Variants in CELF4 observed in about 807,000 individuals in gnomAD.
CELF4 encodes CUGBP Elav-like family member 4, also known as CUG-BP- and ETR-3-like factor 4.
A neutral mutation model predicts 59.9 loss-of-function variants in CELF4; 18 were observed. That is an observed-to-expected ratio of 0.30 (90% CI 0.21 to 0.45). The LOEUF (loss-of-function observed/expected upper bound fraction) is 0.45. Among genes scored for constraint, CELF4 ranks in the 20% least tolerant of loss-of-function variants. CELF4 has a pLI of 1.00. For missense variants in CELF4, 456 were observed against 689.0 expected (o/e 0.66, Z 3.79); for synonymous variants, 261 against 267.1 (o/e 0.98, Z 0.22).
rs898937745 is a variant in CELF4 at position 37,245,755 on chromosome 18, T to A, written c.*45-558A>T. On this transcript the variant is annotated intron_variant, in intron 12 of 12. Transcript: ENST00000420428. This position sits in a 1 kb window ranked among gnomAD's most constrained non-coding sequence, Gnocchi z 4.1. ...AACTATTTGCGAGGCTGTGTATATA[T>A]ATGTATATCTGGATATATGTGTAGA... Among the ~76,000 whole-genome samples, 2 of 152,192 alleles carry A rather than the reference T, an allele frequency of 1.3e-5. No individual in the cohort carries two copies. Among genetic ancestry groups the A allele is most frequent in the African/African-American group, 4.8e-5 (2 of 41,446 alleles).
chr18:37,438,005 C>T (rs1478708428), intron 2 of CELF4, among the ~76,000 whole-genome samples: 6 of 152,132 alleles, frequency 3.9e-5, no homozygotes, highest in African/African-American at 1.2e-4. Context: ...AGCTCAGTCT[C>T]CCTCCAACAT....
At chr18:37,516,144 A>G (rs1603643178) in intron 1 of CELF4, among the ~76,000 whole-genome samples, 1 of 152,162 alleles carries the variant, frequency 6.6e-6, no homozygotes, top group East Asian at 1.9e-4. Flanking sequence ...GGCAAAAAAT[A>G]TTATTTACTG....
chr18:37,352,369 GTTGTGGCTGATGCCTGTAATCTCGACACT>G (rs2098459656), intron 2 of CELF4, among the ~76,000 whole-genome samples: 1 of 152,196 alleles, frequency 6.6e-6, no homozygotes. Context: ...ATTGCTGCAT[GTTGTGGCTGATGCCTGTAATCTCGACACT>G]TTGGGAGGGT....
intron 1 of CELF4, among the ~76,000 whole-genome samples, chr18:37,517,590 C>G (rs754738878): frequency 6.6e-6 from 1 of 152,162 alleles, no homozygotes; most frequent in African/African-American, 2.4e-5. Context: ...AACAGTTGGT[C>G]GCCCCGTGTC....
chr18:37,290,032 A>G (rs749650044), intron 3 of CELF4, among the ~76,000 whole-genome samples: 47 of 152,288 alleles, frequency 3.1e-4, no homozygotes, highest in Non-Finnish European at 3.5e-4. Flanking sequence ...ATGGAAGAGA[A>G]GTGGAGGAGG....
intron 1 of CELF4, among the ~76,000 whole-genome samples, chr18:37,502,168 A>T (rs966917000): frequency 6.6e-6 from 1 of 151,990 alleles, no homozygotes; most frequent in Non-Finnish European, 1.5e-5. Context: ...AGCCCTCTGG[A>T]CTCGAGCTAA....
chr18:37,452,766 C>T (rs2099767610), intron 2 of CELF4, among the ~76,000 whole-genome samples: 1 of 152,102 alleles, frequency 6.6e-6, no homozygotes, highest in African/African-American at 2.4e-5. Context: ...CTTAATTCAT[C>T]ACTCTGACTT....
intron 2 of CELF4, among the ~76,000 whole-genome samples, chr18:37,385,886 T>C (rs1248330075): frequency 6.6e-6 from 1 of 152,222 alleles, no homozygotes; most frequent in African/African-American, 2.4e-5. Flanking sequence ...TTTACCTTCA[T>C]ATAAGTCTGT....
In CELF4 at chr18:37,561,325, C is replaced by T. The variant is rs531584216; in HGVS notation, c.286+4031G>A. 1.6e-4 allele frequency among the ~76,000 whole-genome samples: 25 copies of T among 152,334 alleles called. No individual in the cohort carries two copies. The South Asian group carries it at 5.0e-3, about 30-fold the overall frequency. Reference sequence around the variant, plus strand: ...GGACTTGGCCGTTTAGATTAAAATGCATCGTAGGCTCTGGGAACAAGCACA... The same window carrying T: ...GGACTTGGCCGTTTAGATTAAAATGTATCGTAGGCTCTGGGAACAAGCACA... On this transcript the variant is annotated intron_variant, in intron 1 of 12. Transcript: ENST00000420428.
intron 3 of CELF4, among the ~76,000 whole-genome samples, chr18:37,299,698 A>G (rs557126534): frequency 6.6e-6 from 1 of 152,310 alleles, no homozygotes; most frequent in African/African-American, 2.4e-5. Context: ...CAAAGCCTCA[A>G]AGTTACTCTC....
chr18:37,397,890 G>C (rs1014763548), intron 2 of CELF4, among the ~76,000 whole-genome samples: 11 of 152,184 alleles, frequency 7.2e-5, no homozygotes, highest in Admixed American at 5.9e-4. Flanking sequence ...CGGGGGCAAG[G>C]GGGTGCGGAT....
intron 2 of CELF4, among the ~76,000 whole-genome samples, chr18:37,423,340 T>G (rs1034635044): frequency 6.6e-6 from 1 of 152,186 alleles, no homozygotes; most frequent in African/African-American, 2.4e-5. Flanking sequence ...TCAGGTCTTA[T>G]GTGGTGCTGA....
At chr18:37,490,247 A>T (rs57645925) in intron 1 of CELF4, among the ~76,000 whole-genome samples, 2,804 of 152,228 alleles carry the variant, frequency 0.018, 71 homozygotes, top group African/African-American at 0.064. Context: ...TGGAAGTCAC[A>T]CCAAACTGAA....
intron 12 of CELF4, among the ~76,000 whole-genome samples, chr18:37,250,141 G>A (rs1348117524): frequency 2.6e-5 from 4 of 152,164 alleles, no homozygotes; most frequent in East Asian, 1.9e-4. Flanking sequence ...TGTTCTGCCC[G>A]CTGGCTATGG....
At chr18:37,446,719 C>G (rs2099749224) in intron 2 of CELF4, among the ~76,000 whole-genome samples, 1 of 152,132 alleles carries the variant, frequency 6.6e-6, no homozygotes, top group African/African-American at 2.4e-5. Flanking sequence ...CTCCCTTCTC[C>G]TGAGCTCCCT....
chr18:37,290,836 CCTGT>C (rs1191031542), intron 3 of CELF4, among the ~76,000 whole-genome samples: 5 of 152,212 alleles, frequency 3.3e-5, no homozygotes, highest in Non-Finnish European at 7.3e-5. Context: ...TTCTCCTCCT[CCTGT>C]CTGTCTTTCT....
chr18:37,328,471 G>C (rs2097408822), intron 2 of CELF4, among the ~76,000 whole-genome samples: 1 of 152,200 alleles, frequency 6.6e-6, no homozygotes, highest in East Asian at 1.9e-4. Context: ...GTTGGAGCCT[G>C]AAGATACCTG....
chr18:37,267,537 G>A (rs944049400), intron 8 of CELF4, among the ~76,000 whole-genome samples: 1 of 152,190 alleles, frequency 6.6e-6, no homozygotes, highest in Admixed American at 6.5e-5. Flanking sequence ...ACTGCCCAGA[G>A]GGAGGATGGA....
At chr18:37,383,407 T>G (rs1169271169) in intron 2 of CELF4, among the ~76,000 whole-genome samples, 1 of 152,212 alleles carries the variant, frequency 6.6e-6, no homozygotes, top group African/African-American at 2.4e-5. Flanking sequence ...GGTTTTATAC[T>G]GAATAAGGAA....
Sources: gnomAD v4.1 joint callset for allele counts (sites outside exome capture counted in the v4.1 genomes callset) on GRCh38, gnomAD v4.1.1 for gene constraint, Gnocchi (gnomAD v3.1) non-coding constraint, MANE v1.5 for transcripts, NCBI Gene and HGNC (gene_info 2026-07-23, HGNC 2026-07-21) for gene names.